The following NDST4 variants were observed in gnomAD, a reference collection of about 807,000 sequenced individuals.
NDST4 encodes the protein N-deacetylase and N-sulfotransferase 4, also known as N-heparan sulfate sulfotransferase 4.
A neutral mutation model predicts 100.8 loss-of-function variants in NDST4; 63 were observed. The ratio of observed to expected loss-of-function variants is 0.62; its 90% CI spans 0.51 to 0.77. The LOEUF (loss-of-function observed/expected upper bound fraction) is 0.77. Ranked by LOEUF, NDST4 falls within the 30% of genes least tolerant of loss-of-function variation. NDST4 has a pLI of 0.00. For missense variants in NDST4, 943 were observed against 1,018.4 expected, an observed-to-expected ratio of 0.93 and a Z score of 1.01; for synonymous variants, 377 against 361.8, an observed-to-expected ratio of 1.04 and a Z score of -0.48.
intron 6 of NDST4, among the ~76,000 whole-genome samples, chr4:114,912,522 C>T (rs1725082676): frequency 6.6e-6 from 1 of 152,030 alleles, no homozygotes; most frequent in Non-Finnish European, 1.5e-5. Context: ...GCAGTTAAAC[C>T]CGAATGCAGG....
intron 2 of NDST4, among the ~76,000 whole-genome samples, chr4:114,987,489 T>TTC (rs1726939682): frequency 6.6e-6 from 1 of 152,174 alleles, no homozygotes; most frequent in Non-Finnish European, 1.5e-5. Context: ...ATGTTTGAGC[T>TTC]ACCTTCTTCT....
intron 2 of NDST4, among the ~76,000 whole-genome samples, chr4:115,057,394 A>G (rs938082593): frequency 5.9e-5 from 9 of 151,984 alleles, no homozygotes; most frequent in Non-Finnish European, 8.8e-5. Context: ...AGTGATGAAA[A>G]GGCAGAATTC....
chr4:115,028,354 T>C (rs1430030092), intron 2 of NDST4, among the ~76,000 whole-genome samples: 1 of 152,094 alleles, frequency 6.6e-6, no homozygotes, highest in Non-Finnish European at 1.5e-5. Context: ...TTCCAGGAGA[T>C]GATGTCTGTA....
At chr4:114,893,293 G>C (rs192271788) in intron 6 of NDST4, among the ~76,000 whole-genome samples, 1 of 152,002 alleles carries the variant, frequency 6.6e-6, no homozygotes, top group African/African-American at 2.4e-5. Context: ...TGGTATTTCT[G>C]GTTCTAGATC....
intron 6 of NDST4, among the ~76,000 whole-genome samples, chr4:114,930,512 T>C (rs1388701734): frequency 1.3e-5 from 2 of 152,098 alleles, no homozygotes; most frequent in Non-Finnish European, 1.5e-5. Context: ...ACAATGTGAG[T>C]TTTTATTTAT....
At chr4:114,941,541 CAA>C (rs1560823089) in intron 4 of NDST4, among the ~76,000 whole-genome samples, 1 of 152,064 alleles carries the variant, frequency 6.6e-6, no homozygotes, top group Non-Finnish European at 1.5e-5. Flanking sequence ...TACTCAAGAC[CAA>C]TTTCAGAAGG....
At chr4:115,066,212 G>A (rs1728942791) in intron 2 of NDST4, among the ~76,000 whole-genome samples, 1 of 152,094 alleles carries the variant, frequency 6.6e-6, no homozygotes, top group East Asian at 1.9e-4. Flanking sequence ...GATTCACAAA[G>A]GAAAAGGTAT....
chr4:114,873,249 T>A (rs1724187474), intron 6 of NDST4, among the ~76,000 whole-genome samples: 1 of 151,662 alleles, frequency 6.6e-6, no homozygotes, highest in African/African-American at 2.4e-5. Flanking sequence ...ATAGATATTT[T>A]AAAAATATTA....
At chr4:115,048,560 A>G (rs1003493784) in intron 2 of NDST4, among the ~76,000 whole-genome samples, 2 of 152,184 alleles carry the variant, frequency 1.3e-5, no homozygotes, top group Admixed American at 6.5e-5. Context: ...AGGCTTGATT[A>G]CACGCGTGAG....
chr4:114,924,980 C>T (rs2126220620), intron 6 of NDST4, among the ~76,000 whole-genome samples: 1 of 151,858 alleles, frequency 6.6e-6, no homozygotes, highest in African/African-American at 2.4e-5. Context: ...TATTATGTAT[C>T]AATAAAAAAG....
intron 10 of NDST4, among the ~76,000 whole-genome samples, chr4:114,841,579 A>G (rs751084272): frequency 7.2e-5 from 11 of 152,230 alleles, no homozygotes; most frequent in Non-Finnish European, 1.2e-4. Context: ...CTATGTGGAA[A>G]AAAAAGATTC....
chr4:114,994,522 T>A (rs2126253097), intron 2 of NDST4, among the ~76,000 whole-genome samples: 1 of 152,112 alleles, frequency 6.6e-6, no homozygotes, highest in Non-Finnish European at 1.5e-5. Context: ...TTGAAACTGA[T>A]GGAAATCAGT....
chr4:114,988,456 G>T lies in NDST4; in HGVS notation c.979-11182C>A, dbSNP rs1350691213. On this transcript the variant is annotated intron_variant, in intron 2 of 13. Transcript: ENST00000264363. ...GGCTCACTTCAAGCTCCACCTCCCG[G>T]GTTCATGCCATCCTCCTGCCTCAGC... Among the ~76,000 whole-genome samples, 4 of 142,500 alleles carry T rather than the reference G, an allele frequency of 2.8e-5. No individual in the cohort carries two copies. In the South Asian group the frequency reaches 6.8e-4, roughly 24 times the overall value. The allele number at this position is 142,500 out of a possible 152,430, so 93.5% of individuals were successfully genotyped here.
At chr4:114,916,580 G>T (rs1352660897) in intron 6 of NDST4, among the ~76,000 whole-genome samples, 1 of 136,306 alleles carries the variant, frequency 7.3e-6, no homozygotes, top group Non-Finnish European at 1.6e-5. Context: ...GTGTGTGTGT[G>T]TGTTTGTGTG....
chr4:115,089,713 A>T (rs1288383241), intron 1 of NDST4, among the ~76,000 whole-genome samples: 1 of 151,942 alleles, frequency 6.6e-6, no homozygotes, highest in Non-Finnish European at 1.5e-5. Context: ...ATTAGTAACA[A>T]TCTTGAGTAA....
intron 1 of NDST4, among the ~76,000 whole-genome samples, chr4:115,083,814 T>C (rs534176056): frequency 6.6e-6 from 1 of 152,228 alleles, no homozygotes; most frequent in South Asian, 2.1e-4. Context: ...CTGCCATGAT[T>C]GTAAGGTTCC....
At chr4:114,858,444 C>T (rs570260878) in intron 7 of NDST4, among the ~76,000 whole-genome samples, 5 of 152,250 alleles carry the variant, frequency 3.3e-5, no homozygotes, top group South Asian at 4.1e-4. Context: ...GCATATGGCC[C>T]TGAAAGTCAC....
At chr4:115,036,186 T>C (rs1204082485) in intron 2 of NDST4, among the ~76,000 whole-genome samples, 1 of 151,654 alleles carries the variant, frequency 6.6e-6, no homozygotes, top group East Asian at 1.9e-4. Context: ...TTTTATCTGG[T>C]TGGAAAATGT....
chr4:114,969,174 C>T (rs1283602954), intron 4 of NDST4, among the ~76,000 whole-genome samples: 1 of 151,688 alleles, frequency 6.6e-6, no homozygotes, highest in African/African-American at 2.4e-5. Flanking sequence ...ATTAGCCGGG[C>T]GTAGTGGCGG....
Sources: gnomAD v4.1 joint callset for allele counts (sites outside exome capture counted in the v4.1 genomes callset) on GRCh38, gnomAD v4.1.1 for gene constraint, MANE v1.5 for transcripts, NCBI Gene and HGNC (gene_info 2026-07-23, HGNC 2026-07-21) for gene names.